The following NAALADL2 variants were observed in gnomAD, a reference collection of about 807,000 sequenced individuals.
NAALADL2 encodes N-acetylated alpha-linked acidic dipeptidase like 2, also known as inactive N-acetylated-alpha-linked acidic dipeptidase-like protein 2.
NAALADL2 carries 76 observed loss-of-function variants against 87.2 expected under a neutral mutation model. The ratio of observed to expected loss-of-function variants is 0.87; its 90% CI spans 0.72 to 1.05. The LOEUF is 1.05. Among genes scored for constraint, NAALADL2 ranks in the 50% least tolerant of loss-of-function variants. The probability of loss-of-function intolerance (pLI) is 0.00; values close to 1 mark genes in which losing one functional copy is unlikely to be tolerated. For synonymous variants in NAALADL2, 354 were observed against 331.0 expected, an observed-to-expected ratio of 1.07 and a Z score of -0.75; for missense variants, 1,089 against 945.8, an observed-to-expected ratio of 1.15 and a Z score of -1.99.
chr3:175,631,886 G>C (rs6767178), intron 11 of NAALADL2, among the ~76,000 whole-genome samples: 38,870 of 151,884 alleles, frequency 0.26, 5,577 homozygotes, highest in African/African-American at 0.4. Context: ...ATCGTTATTA[G>C]CTATCTATGC....
chr3:175,447,785 T>C (rs762283109), intron 6 of NAALADL2, among the ~76,000 whole-genome samples: 1 of 152,170 alleles, frequency 6.6e-6, no homozygotes, highest in South Asian at 2.1e-4. Flanking sequence ...ATTCCTGCAA[T>C]TGACTAAAAA....
rs532911890 is a variant in NAALADL2, at chr3:175,334,924, G to A, written c.1090+10599G>A. 2.6e-5 allele frequency among the ~76,000 whole-genome samples: 4 copies of A among 152,220 alleles called. No homozygotes were observed. In the South Asian group the frequency reaches 6.2e-4, roughly 24 times the overall value. On this transcript the variant is annotated intron_variant, in intron 5 of 13. Transcript: ENST00000454872. ...GTCCAAATGGCCCGGTCTGTATGCC[G>A]TTTCTGCAATCAGTCATTGGAAGTG...
At chr3:174,996,828 A>T (rs1747528652) in intron 1 of NAALADL2, among the ~76,000 whole-genome samples, 1 of 151,984 alleles carries the variant, frequency 6.6e-6, no homozygotes, top group African/African-American at 2.4e-5. Context: ...TTATTATGTT[A>T]TTCTTATGCC....
At chr3:175,182,920 G>A (rs191067170) in intron 2 of NAALADL2, among the ~76,000 whole-genome samples, 14 of 151,990 alleles carry the variant, frequency 9.2e-5, no homozygotes, top group African/African-American at 2.7e-4. Context: ...TTAATATGAT[G>A]TGAGATTCTT....
chr3:175,594,505 A>C (rs898208184), intron 10 of NAALADL2, among the ~76,000 whole-genome samples: 4 of 152,058 alleles, frequency 2.6e-5, no homozygotes, highest in Non-Finnish European at 4.4e-5. Flanking sequence ...GGAATAATTT[A>C]TTTCCCCTTG....
chr3:175,636,321 A>G (rs1374774019), intron 11 of NAALADL2, among the ~76,000 whole-genome samples: 1 of 152,116 alleles, frequency 6.6e-6, no homozygotes, highest in Admixed American at 6.5e-5. Context: ...TTGACAGATG[A>G]GAAAAACCCA....
intron 1 of NAALADL2, among the ~76,000 whole-genome samples, chr3:174,513,766 A>G (rs1719754364): frequency 6.6e-6 from 1 of 152,192 alleles, no homozygotes; most frequent in Admixed American, 6.5e-5. Flanking sequence ...CCTTATTATA[A>G]ATATCTGGAT....
intron 2 of NAALADL2, among the ~76,000 whole-genome samples, chr3:174,700,574 A>G (rs1729458907): frequency 6.6e-6 from 1 of 152,116 alleles, no homozygotes; most frequent in Non-Finnish European, 1.5e-5. Context: ...TTTATTTTAG[A>G]AAAACAAAAA....
At position 174,934,538 on chromosome 3, in the gene NAALADL2, G is replaced by A. The variant is rs1196497309; in HGVS notation, c.43+75088G>A. Among the ~76,000 whole-genome samples the A allele has an allele frequency of 6.6e-5, 10 of 151,916 alleles. No individual in the cohort carries two copies. In the East Asian group the frequency reaches 9.7e-4, roughly 15 times the overall value. On this transcript the variant is annotated intron_variant, in intron 1 of 13. Coordinates refer to ENST00000454872, the MANE Select transcript of NAALADL2 (RefSeq NM_207015.3). ...ATGAAATATCAACCATGTGCCGAGCGCGGTGGGTCATGTCTGTAATCCCAG... is the reference window on the plus strand; with the variant it reads ...ATGAAATATCAACCATGTGCCGAGCACGGTGGGTCATGTCTGTAATCCCAG...
At chr3:174,760,663 C>A (rs1404406912) in intron 3 of NAALADL2, among the ~76,000 whole-genome samples, 1 of 152,204 alleles carries the variant, frequency 6.6e-6, no homozygotes, top group Admixed American at 6.5e-5. Flanking sequence ...CTCTTGCTGT[C>A]CTTGTTGCTG....
intron 11 of NAALADL2, among the ~76,000 whole-genome samples, chr3:175,724,797 C>G (rs1294161010): frequency 2.6e-5 from 4 of 151,806 alleles, no homozygotes; most frequent in South Asian, 4.2e-4. Context: ...AAAAATGAAA[C>G]AATATTCCAA....
intron 2 of NAALADL2, among the ~76,000 whole-genome samples, chr3:174,611,007 C>T (rs1719793471): frequency 6.6e-6 from 1 of 152,060 alleles, no homozygotes; most frequent in African/African-American, 2.4e-5. Context: ...GAGTTCATGT[C>T]CTTTGTAGGG....
chr3:175,547,943 A>G (rs2149484059), intron 9 of NAALADL2, among the ~76,000 whole-genome samples: 1 of 152,262 alleles, frequency 6.6e-6, no homozygotes, highest in Middle Eastern at 3.4e-3. Flanking sequence ...ATGCTTATGC[A>G]CTGTTGGTGA....
chr3:175,230,478 A>G lies in NAALADL2; in HGVS notation c.546-3453A>G, dbSNP rs1315040282. On this transcript the variant is annotated intron_variant, in intron 2 of 13. Coordinates refer to ENST00000454872, the MANE Select transcript of NAALADL2 (RefSeq NM_207015.3). ...AGGCAAAAACAAGAGCAGTTATTCTACATGAAAGGAAACATGAATAGCTAA... is the reference window on the plus strand; with the variant it reads ...AGGCAAAAACAAGAGCAGTTATTCTGCATGAAAGGAAACATGAATAGCTAA... Among the ~76,000 whole-genome samples the G allele has an allele frequency of 2.0e-5, 3 of 152,060 alleles. No homozygotes were observed. In the East Asian group the frequency reaches 5.8e-4, roughly 29 times the overall value.
chr3:174,778,376 G>A (rs1715477353), intron 3 of NAALADL2, among the ~76,000 whole-genome samples: 1 of 152,054 alleles, frequency 6.6e-6, no homozygotes, highest in Admixed American at 6.6e-5. Context: ...CTCATTTCAA[G>A]AACTAGTACA....
intron 9 of NAALADL2, among the ~76,000 whole-genome samples, chr3:175,518,620 G>C (rs1732213604): frequency 6.6e-6 from 1 of 152,190 alleles, no homozygotes; most frequent in Non-Finnish European, 1.5e-5. Context: ...AAGTCCCGAG[G>C]TGGTACAGGG....
chr3:175,649,071 T>C (rs1730400191), intron 11 of NAALADL2, among the ~76,000 whole-genome samples: 1 of 152,204 alleles, frequency 6.6e-6, no homozygotes, highest in Non-Finnish European at 1.5e-5. Flanking sequence ...CTGACTTGGA[T>C]GCCTGTGAGA....
chr3:174,565,431 C>A (rs1212886076), intron 2 of NAALADL2, among the ~76,000 whole-genome samples: 1 of 151,914 alleles, frequency 6.6e-6, no homozygotes, highest in Non-Finnish European at 1.5e-5. Flanking sequence ...CGGAATGTAG[C>A]CTTTTAAGAT....
At chr3:174,670,253 G>A (rs2108800128) in intron 2 of NAALADL2, among the ~76,000 whole-genome samples, 1 of 151,694 alleles carries the variant, frequency 6.6e-6, no homozygotes, top group African/African-American at 2.4e-5. Context: ...AGTTGCTCTG[G>A]CTAGGACTTA....
Sources: gnomAD v4.1 joint callset for allele counts (sites outside exome capture counted in the v4.1 genomes callset) on GRCh38, gnomAD v4.1.1 for gene constraint, MANE v1.5 for transcripts, NCBI Gene and HGNC (gene_info 2026-07-23, HGNC 2026-07-21) for gene names.